Variants in EFCAB8 observed in about 807,000 individuals in gnomAD.
The protein encoded by EFCAB8 is EF-hand calcium-binding domain-containing protein 8.
In EFCAB8, 100 loss-of-function variants were observed where a neutral mutation model predicts 116.3. That is an observed-to-expected ratio of 0.86 (90% CI 0.73 to 1.02). The LOEUF (loss-of-function observed/expected upper bound fraction) is 1.02. Among genes scored for constraint, EFCAB8 ranks in the 50% least tolerant of loss-of-function variants. The pLI is 0.00. For synonymous variants in EFCAB8, 558 were observed against 567.9 expected, an observed-to-expected ratio of 0.98 and a Z score of 0.25; for missense variants, 1,320 against 1,416.9, an observed-to-expected ratio of 0.93 and a Z score of 1.10.
intron 11 of EFCAB8, among the ~76,000 whole-genome samples, chr20:32,901,662 G>T (rs1986435061): frequency 1.3e-5 from 2 of 152,238 alleles, no homozygotes; most frequent in African/African-American, 4.8e-5. Flanking sequence ...GCTGTCTGTG[G>T]TATGCTCTTG....
At chr20:32,917,829 C>T (rs1225763004) in intron 18 of EFCAB8, among the ~76,000 whole-genome samples, 1 of 152,194 alleles carries the variant, frequency 6.6e-6, no homozygotes, top group Non-Finnish European at 1.5e-5. Context: ...GCTCCTTTCC[C>T]ATTGCTACTA....
intron 9 of EFCAB8, 80 bp downstream of exon 9, chr20:32,893,378 C>T (rs1986011013): frequency 1.3e-6 from 2 of 1,517,584 alleles, no homozygotes; most frequent in Non-Finnish European, 1.8e-6. Context: ...GGTCCCCGAG[C>T]CCCCCACTCC....
At chr20:32,860,900 A>C (rs768132979) in intron 1 of EFCAB8, among the ~76,000 whole-genome samples, 22 of 152,002 alleles carry the variant, frequency 1.4e-4, no homozygotes, top group Non-Finnish European at 2.1e-4. Flanking sequence ...CACCATACCC[A>C]GATAATTTTT....
chr20:32,866,011 A>G (rs1490944454), intron 2 of EFCAB8, among the ~76,000 whole-genome samples: 1 of 152,116 alleles, frequency 6.6e-6, no homozygotes, highest in Non-Finnish European at 1.5e-5. Flanking sequence ...TAGAATGCAT[A>G]GGAAGAAGAG....
In EFCAB8 at chr20:32,930,757, C is replaced by A. The variant is rs1987875770; in HGVS notation, c.2631+141C>A. ...GTGAAACAATGCAGCGAGGAGTCCTCTCCTGCTCTGCTAAGCCCAGTGACA... is the reference window on the plus strand; with the variant it reads ...GTGAAACAATGCAGCGAGGAGTCCTATCCTGCTCTGCTAAGCCCAGTGACA... On this transcript the variant is annotated intron_variant, in intron 21 of 26. Coordinates refer to ENST00000400522, the MANE Select transcript of EFCAB8 (RefSeq NM_001143967.2). 10 of 807,122 alleles carry A rather than the reference C, an allele frequency of 1.2e-5. No homozygotes were observed. In the South Asian group the frequency reaches 1.7e-4, roughly 14 times the overall value. The allele number at this position is 807,122 out of a possible 1,614,324, so 50.0% of individuals were successfully genotyped here.
At chr20:32,943,934 AAAT>A in intron 23 of EFCAB8, 130 bp downstream of exon 23, 3 of 403,500 alleles carry the variant, frequency 7.4e-6, no homozygotes, top group Non-Finnish European at 1.3e-5. Context: ...GCCTTCACTT[AAAT>A]AATATTACAG....
intron 11 of EFCAB8, among the ~76,000 whole-genome samples, chr20:32,905,863 G>A (rs1986650874): frequency 6.6e-6 from 1 of 152,008 alleles, no homozygotes. Context: ...GCTAGGGGAA[G>A]GCAAGCGTGG....
Position 32,893,269 on chromosome 20 carries a change from C to T in EFCAB8, c.854C>T (p.Pro285Leu). The T allele has an allele frequency of 6.4e-7, 1 of 1,551,900 alleles. No individual in the cohort carries two copies. Among genetic ancestry groups the T allele is most frequent in the Non-Finnish European group, 8.7e-7 (1 of 1,147,026 alleles). ...SENMTSGLFN[P>L]RILPRASKWD... ...AACATGACCAGTGGGCTGTTCAACC[C>T]CCGTATCCTCCCCAGGGCCTCCAAG... The change falls in exon 9 of 27, where the codon CCC (proline) becomes CTC (leucine). Residue 285 changes from proline to leucine, a missense_variant. By Grantham distance (98) the Pro-to-Leu change is moderately conservative (BLOSUM62 -3). Transcript: ENST00000400522.
chr20:32,867,686 TACTGAG>T lies in EFCAB8; in HGVS notation c.149_154del (p.Thr50_Glu51del). ...ACCTCCAGCCTGGGTCCCAGCTGTTTACTGAGATACACCTGGCCAAGATAGAGAAAA... is the reference window on the plus strand; with the variant it reads ...ACCTCCAGCCTGGGTCCCAGCTGTTTATACACCTGGCCAAGATAGAGAAAA... On this transcript the variant is annotated inframe_deletion, in exon 3 of 27. Transcript: ENST00000400522. The T allele has an allele frequency of 6.4e-7, 1 of 1,551,654 alleles. No individual in the cohort carries two copies. Among genetic ancestry groups the T allele is most frequent in the Non-Finnish European group, 8.7e-7 (1 of 1,146,986 alleles).
In EFCAB8 at chr20:32,920,163, AAGG is replaced by A; in HGVS notation, c.2363_2365del (p.Gly788del). ...ATTTACAAAGAGGATGAAACGAGAA[AAGG>A]AGAATGGCAGAAGAATATGTTGGTT... On this transcript the variant is annotated inframe_deletion, in exon 20 of 27. Transcript: ENST00000400522. The A allele has an allele frequency of 6.4e-7, 1 of 1,551,746 alleles. No homozygotes were observed. The highest frequency in any genetic ancestry group is 8.7e-7 in the Non-Finnish European group (1 of 1,146,996).
At chr20:32,912,741 G>T (rs372027781) in intron 16 of EFCAB8, 53 bp from the exon 17 acceptor site, 21 of 717,164 alleles carry the variant, frequency 2.9e-5, no homozygotes, top group Non-Finnish European at 4.7e-5. Flanking sequence ...TTAGGGCCCA[G>T]AGCCATTTTC....
intron 4 of EFCAB8, 123 bp from the exon 5 acceptor site, chr20:32,878,581 A>G (rs13037762): frequency 0.44 from 245,195 of 560,762 alleles, 64,505 homozygotes; most frequent in Non-Finnish European, 0.52. Flanking sequence ...GCAGTGGCGC[A>G]ATCTCGGCTC....
intron 20 of EFCAB8, among the ~76,000 whole-genome samples, chr20:32,922,763 T>C (rs909778104): frequency 3.3e-5 from 5 of 152,086 alleles, no homozygotes; most frequent in Non-Finnish European, 7.4e-5. Flanking sequence ...AGAAGGTAGG[T>C]GCAAGGGCCC....
chr20:32,928,843 G>A (rs1021940795), intron 20 of EFCAB8, among the ~76,000 whole-genome samples: 1 of 150,978 alleles, frequency 6.6e-6, no homozygotes, highest in African/African-American at 2.4e-5. Flanking sequence ...TTCATTGTGG[G>A]TTTTTCATAT....
intron 5 of EFCAB8, among the ~76,000 whole-genome samples, chr20:32,881,409 C>T (rs1985331010): frequency 6.6e-6 from 1 of 152,108 alleles, no homozygotes; most frequent in Non-Finnish European, 1.5e-5. Context: ...GTTGACCAGG[C>T]TGGTCTCGAA....
intron 1 of EFCAB8, among the ~76,000 whole-genome samples, chr20:32,863,501 G>T (rs966686618): frequency 1.3e-5 from 2 of 152,158 alleles, no homozygotes; most frequent in African/African-American, 4.8e-5. Context: ...ATTAAGTCAG[G>T]AGTAAAGAAA....
intron 11 of EFCAB8, among the ~76,000 whole-genome samples, chr20:32,905,319 A>G (rs936676928): frequency 2.0e-5 from 3 of 152,218 alleles, no homozygotes; most frequent in African/African-American, 7.2e-5. Flanking sequence ...GAGCCTTCAG[A>G]AAAAAACCCA....
chr20:32,901,261 G>A (rs992406198), intron 11 of EFCAB8, among the ~76,000 whole-genome samples: 1 of 152,192 alleles, frequency 6.6e-6, no homozygotes, highest in African/African-American at 2.4e-5. Flanking sequence ...GGGCCACATA[G>A]GAAGAAGAAG....
At chr20:32,883,051 G>A (rs1007852905) in intron 5 of EFCAB8, among the ~76,000 whole-genome samples, 1 of 151,932 alleles carries the variant, frequency 6.6e-6, no homozygotes, top group African/African-American at 2.4e-5. Context: ...GGCTGATCTT[G>A]AACTCCTGAT....
Sources: allele counts gnomAD v4.1 joint callset (sites outside exome capture counted in the v4.1 genomes callset), GRCh38; gene constraint gnomAD v4.1.1; transcripts MANE v1.5; gene names NCBI Gene and HGNC (gene_info 2026-07-23, HGNC 2026-07-21).